CCSER1: variants seen among roughly 807,000 people sequenced by gnomAD.
CCSER1 encodes coiled-coil serine rich protein 1.
A neutral mutation model predicts 82.0 loss-of-function variants in CCSER1; 41 were observed. The ratio of observed to expected loss-of-function variants is 0.50; its 90% CI spans 0.39 to 0.65. CCSER1 has a LOEUF of 0.65. CCSER1 is among the 30% of genes least tolerant of loss of function. The pLI, the probability that CCSER1 is intolerant of heterozygous loss-of-function variation, is 0.00. For missense variants in CCSER1, 1,119 were observed against 1,064.2 expected (o/e 1.05, Z -0.72); for synonymous variants, 414 against 383.9 (o/e 1.08, Z -0.92).
intron 5 of CCSER1, among the ~76,000 whole-genome samples, chr4:90,501,618 G>C (rs1301910467): frequency 6.6e-6 from 1 of 152,132 alleles, no homozygotes; most frequent in Admixed American, 6.6e-5. Context: ...GTATAAATAT[G>C]ATTTTTGTAA....
chr4:90,174,864 G>C (rs1343089024), intron 1 of CCSER1, among the ~76,000 whole-genome samples: 1 of 151,904 alleles, frequency 6.6e-6, no homozygotes. Flanking sequence ...ATCAAGTGTC[G>C]AGAATGTGGA....
intron 1 of CCSER1, among the ~76,000 whole-genome samples, chr4:90,152,214 T>C (rs1422561627): frequency 6.6e-6 from 1 of 152,164 alleles, no homozygotes; most frequent in Non-Finnish European, 1.5e-5. Flanking sequence ...TTTCCCTGAC[T>C]AGTAGGAGGG....
chr4:90,880,665 C>A (rs1350784004), intron 8 of CCSER1, among the ~76,000 whole-genome samples: 2 of 152,186 alleles, frequency 1.3e-5, no homozygotes, highest in Non-Finnish European at 2.9e-5. Context: ...GAAGCCCAGT[C>A]CCAGAGGAAC....
chr4:90,994,194 A>G (rs1050736863), intron 9 of CCSER1, among the ~76,000 whole-genome samples: 1 of 28,560 alleles, frequency 3.5e-5, no homozygotes, highest in Non-Finnish European at 7.9e-5. Context: ...CAACATGTAG[A>G]GATGGAAACC....
At chr4:90,658,791 T>C (rs554973866) in intron 6 of CCSER1, among the ~76,000 whole-genome samples, 1 of 152,350 alleles carries the variant, frequency 6.6e-6, no homozygotes, top group South Asian at 2.1e-4. Flanking sequence ...CAATGGATGT[T>C]TTCTTTATGA....
chr4:90,979,985 A>T (rs922193009), intron 9 of CCSER1, among the ~76,000 whole-genome samples: 1 of 43,652 alleles, frequency 2.3e-5, no homozygotes, highest in South Asian at 4.4e-4. Context: ...TGAAACTATA[A>T]CTAAAAAAAA....
At chr4:91,154,084 T>C (rs1179525339) in intron 10 of CCSER1, among the ~76,000 whole-genome samples, 1 of 152,004 alleles carries the variant, frequency 6.6e-6, no homozygotes, top group Non-Finnish European at 1.5e-5. Context: ...CTACCTTTTG[T>C]TCAGCTATGC....
chr4:90,612,914 A>G (rs530123368), intron 5 of CCSER1, among the ~76,000 whole-genome samples: 2 of 152,272 alleles, frequency 1.3e-5, no homozygotes, highest in Non-Finnish European at 2.9e-5. Context: ...GTATTTTGAC[A>G]GGGAAGTTAA....
chr4:90,230,339 A>T (rs1348801319), intron 1 of CCSER1, among the ~76,000 whole-genome samples: 1 of 152,186 alleles, frequency 6.6e-6, no homozygotes, highest in South Asian at 2.1e-4. Context: ...GCTCAACTAC[A>T]TGGAAACTGA....
intron 5 of CCSER1, among the ~76,000 whole-genome samples, chr4:90,543,116 G>T (rs943800359): frequency 7.2e-5 from 11 of 152,048 alleles, no homozygotes; most frequent in African/African-American, 9.7e-5. Context: ...TGAACTAGGA[G>T]TTCACATGCA....
At chr4:90,553,582 G>C (rs887145843) in intron 5 of CCSER1, among the ~76,000 whole-genome samples, 1 of 152,152 alleles carries the variant, frequency 6.6e-6, no homozygotes, top group Admixed American at 6.5e-5. Context: ...GTCATGCACT[G>C]CCCACAAGTG....
intron 2 of CCSER1, among the ~76,000 whole-genome samples, chr4:90,310,963 A>G (rs924873910): frequency 2.0e-5 from 3 of 152,070 alleles, no homozygotes; most frequent in Non-Finnish European, 4.4e-5. Flanking sequence ...CTTTAGTCAT[A>G]TATGCCTAGC....
intron 10 of CCSER1, among the ~76,000 whole-genome samples, chr4:91,253,209 T>C (rs1740397553): frequency 6.6e-6 from 1 of 152,184 alleles, no homozygotes; most frequent in East Asian, 1.9e-4. Flanking sequence ...TATATGATGA[T>C]CTACTGCCAC....
At position 90,243,062 on chromosome 4, in the gene CCSER1, C is replaced by CTCTT. The variant is rs1553968405; in HGVS notation, c.-41-65181_-41-65180insCTTT. ...ATCTCTCTCTCTTTTCTCTCTCTCT[C>CTCTT]TTTTTTTTTTTTTTTTTTTAAAATA... On this transcript the variant is annotated intron_variant, in intron 1 of 10. Transcript: ENST00000509176. 1.3e-3 allele frequency among the ~76,000 whole-genome samples: 166 copies of CTCTT among 126,982 alleles called. 3 individuals are homozygous for CTCTT. Among genetic ancestry groups the CTCTT allele is most frequent in the East Asian group, 7.0e-3 (29 of 4,134 alleles). The allele number at this position is 126,982 out of a possible 152,430, so 83.3% of individuals were successfully genotyped here.
intron 9 of CCSER1, among the ~76,000 whole-genome samples, chr4:91,002,461 T>C (rs1049318211): frequency 6.6e-5 from 10 of 152,188 alleles, no homozygotes; most frequent in Non-Finnish European, 1.5e-4. Context: ...TTATTCTTTT[T>C]TCTTTGTCAG....
At chr4:91,136,867 C>G (rs1581624000) in intron 10 of CCSER1, among the ~76,000 whole-genome samples, 1 of 151,994 alleles carries the variant, frequency 6.6e-6, no homozygotes, top group Non-Finnish European at 1.5e-5. Flanking sequence ...TTTTTACTGG[C>G]TATGACACAC....
chr4:91,042,847 C>T (rs1044942645), intron 9 of CCSER1, among the ~76,000 whole-genome samples: 2 of 152,252 alleles, frequency 1.3e-5, no homozygotes, highest in African/African-American at 4.8e-5. Flanking sequence ...TCTATGGCGG[C>T]TAGCAAAGTA....
intron 6 of CCSER1, among the ~76,000 whole-genome samples, chr4:90,640,017 G>T (rs1726191762): frequency 6.6e-6 from 1 of 152,076 alleles, no homozygotes; most frequent in Non-Finnish European, 1.5e-5. Context: ...AACACTAAGA[G>T]CATAGTGTCT....
chr4:91,393,698 G>A (rs937739507), intron 10 of CCSER1, among the ~76,000 whole-genome samples: 1 of 151,954 alleles, frequency 6.6e-6, no homozygotes, highest in African/African-American at 2.4e-5. Flanking sequence ...TTCTCCTGCT[G>A]TATCTAATTT....
Sources: allele counts gnomAD v4.1 joint callset (sites outside exome capture counted in the v4.1 genomes callset), GRCh38; gene constraint gnomAD v4.1.1; transcripts MANE v1.5; gene names NCBI Gene and HGNC (gene_info 2026-07-23, HGNC 2026-07-21).